Variants in ZNF248 observed in about 807,000 individuals in gnomAD.
ZNF248 encodes the protein KRAB protein domain.
In ZNF248, 20 loss-of-function variants were observed where a neutral mutation model predicts 44.3. The ratio of observed to expected loss-of-function variants is 0.45; its 90% CI spans 0.32 to 0.66. The LOEUF is 0.66. Ranked by LOEUF, ZNF248 falls within the 30% of genes least tolerant of loss-of-function variation. The pLI, the probability that ZNF248 is intolerant of heterozygous loss-of-function variation, is 0.04. For synonymous variants in ZNF248, 224 were observed against 229.0 expected (o/e 0.98, Z 0.20); for missense variants, 654 against 677.0 (o/e 0.97, Z 0.38).
chr10:37,831,996 T>G lies in ZNF248; in HGVS notation c.1359A>C (p.Glu453Asp). Residue 453 changes from glutamate to aspartate, a missense_variant, in exon 6 of 6, where the codon GAA becomes GAC. Coordinates refer to ENST00000395867, the MANE Select transcript of ZNF248 (RefSeq NM_021045.3). ...TCTCCCCTGTGTGTGTTCTCTGATG[T>G]TCAGTGAGGTTTGACTTCACACAGA... ...KTFCVKSNLT[E>D]HQRTHTGEKP... 1.2e-6 allele frequency: 2 copies of G among 1,614,116 alleles called. No individual in the cohort carries two copies. Among genetic ancestry groups the G allele is most frequent in the African/African-American group, 2.7e-5 (2 of 75,060 alleles).
chr10:37,791,126 C>T (rs1044658201), intron 6 of ZNF248, among the ~76,000 whole-genome samples: 2 of 132,662 alleles, frequency 1.5e-5, no homozygotes, highest in African/African-American at 5.8e-5. Context: ...CGATCTGAAC[C>T]TGCTTCCCGG....
chr10:37,788,868 TAGAA>T (rs1236955394), intron 6 of ZNF248, among the ~76,000 whole-genome samples: 2 of 149,514 alleles, frequency 1.3e-5, no homozygotes, highest in African/African-American at 4.9e-5. Context: ...TATGAATGTC[TAGAA>T]AGACTTTTTT....
the ZNF248 span, among the ~76,000 whole-genome samples, chr10:37,765,746 G>C: frequency 6.6e-6 from 1 of 152,052 alleles, no homozygotes; most frequent in Non-Finnish European, 1.5e-5. Flanking sequence ...ACTAGGGAGT[G>C]CCAGACAGTG....
At chr10:37,765,109 C>G in the ZNF248 span, among the ~76,000 whole-genome samples, 255 of 151,982 alleles carry the variant, frequency 1.7e-3, 1 homozygote, top group Middle Eastern at 3.4e-3. Flanking sequence ...TACAGGCCAC[C>G]ATGCCCAGCT....
rs150334661 is a variant in ZNF248 at position 37,787,693 on chromosome 10, A to C, written c.331-11118T>G. Reference sequence around the variant, plus strand: ...AGACCTTTACCTCACACAATATATGAAAATTAAAGCAGAATGAATCAAAGA... The same window carrying C: ...AGACCTTTACCTCACACAATATATGCAAATTAAAGCAGAATGAATCAAAGA... On this transcript the variant is annotated intron_variant, in intron 6 of 6. Transcript: ENST00000615949. 4.1e-3 allele frequency among the ~76,000 whole-genome samples: 626 copies of C among 152,308 alleles called. 7 individuals carry two copies. The South Asian group carries it at 0.044, about 11-fold the overall frequency.
intron 6 of ZNF248, among the ~76,000 whole-genome samples, chr10:37,783,178 A>T (rs2047509721): frequency 6.6e-6 from 1 of 152,162 alleles, no homozygotes; most frequent in Non-Finnish European, 1.5e-5. Context: ...TTCCAAACAT[A>T]TCTAGTCAAA....
chr10:37,777,069 G>A (rs963663821), intron 6 of ZNF248, among the ~76,000 whole-genome samples: 3 of 152,084 alleles, frequency 2.0e-5, no homozygotes, highest in Non-Finnish European at 2.9e-5. Context: ...CACTCCGCAT[G>A]GCACATATTA....
chr10:37,809,148 G>A (rs1403358765), intron 6 of ZNF248, among the ~76,000 whole-genome samples: 1 of 152,026 alleles, frequency 6.6e-6, no homozygotes, highest in African/African-American at 2.4e-5. Context: ...TGTCAATTTT[G>A]TTGTTGATCT....
chr10:37,850,073 A>T (rs1034209903), intron 3 of ZNF248, among the ~76,000 whole-genome samples: 1 of 149,280 alleles, frequency 6.7e-6, no homozygotes, highest in Non-Finnish European at 1.5e-5. Flanking sequence ...ACTCTGTCTT[A>T]AAAAAAAAAT....
At position 37,831,434 on chromosome 10, in the gene ZNF248, G is replaced by C. The variant is rs1424810676; in HGVS notation, c.*181C>G. ...ATAAATATTTTCACCATATTACTTA[G>C]ATGAATAGAATTCCCCTCAGTACAA... On this transcript the variant is annotated 3_prime_UTR_variant, in exon 6 of 6. Transcript: ENST00000395867. The C allele has an allele frequency of 1.3e-6, 2 of 1,485,406 alleles. No homozygotes were observed. The highest frequency in any genetic ancestry group is 1.8e-6 in the Non-Finnish European group (2 of 1,119,080). The allele number at this position is 1,485,406 out of a possible 1,614,324, so 92.0% of individuals were successfully genotyped here. A position where few individuals can be genotyped will look rare whatever the true frequency, so the allele number is the denominator to read the frequency against.
chr10:37,820,035 T>C (rs1301834668), intron 6 of ZNF248: 2 of 806,244 alleles, frequency 2.5e-6, no homozygotes, highest in East Asian at 4.9e-5. Context: ...ATGAGGACTT[T>C]CTTGCTCATT....
At chr10:37,759,439 A>T in the ZNF248 span, among the ~76,000 whole-genome samples, 1 of 152,166 alleles carries the variant, frequency 6.6e-6, no homozygotes, top group African/African-American at 2.4e-5. Context: ...CTGCTTATGA[A>T]ACCCCTTAAT....
chr10:37,762,445 C>A, the ZNF248 span, among the ~76,000 whole-genome samples: 1 of 152,108 alleles, frequency 6.6e-6, no homozygotes, highest in Non-Finnish European at 1.5e-5. Context: ...GATTTGAGCC[C>A]AGGAAGTCTA....
chr10:37,832,031 C>T lies in ZNF248; in HGVS notation c.1324G>A (p.Gly442Arg), dbSNP rs1346503675. 8.7e-6 allele frequency: 14 copies of T among 1,613,922 alleles called. No individual in the cohort carries two copies. Among genetic ancestry groups the T allele is most frequent in the Non-Finnish European group, 1.2e-5 (14 of 1,179,944 alleles). Residue 442 changes from glycine (G) to arginine (R), a missense_variant, in exon 6 of 6, where the codon GGA becomes AGA. By Grantham distance (125) the Gly-to-Arg change is moderately radical. Coordinates refer to ENST00000395867, the MANE Select transcript of ZNF248 (RefSeq NM_021045.3). The stretch of plus-strand genomic sequence containing the variant: ...TTTGACTTCACACAGAATGTTTTTC[C>T]ACATTGCTTACATTCATAGGGTTTT... ...GEKPYECKQC[G>R]KTFCVKSNLT... is the part of the protein sequence containing the mutation.
chr10:37,815,654 T>G (rs867707308), intron 6 of ZNF248, among the ~76,000 whole-genome samples: 9 of 152,192 alleles, frequency 5.9e-5, no homozygotes, highest in African/African-American at 2.2e-4. Context: ...CTTTTTTGCT[T>G]TCAATTAGTC....
At chr10:37,847,540 G>A (rs1274139855) in intron 3 of ZNF248, among the ~76,000 whole-genome samples, 2 of 152,162 alleles carry the variant, frequency 1.3e-5, no homozygotes, top group Non-Finnish European at 2.9e-5. Context: ...GTGTTATAAT[G>A]TGGGTAACTT....
intron 6 of ZNF248, among the ~76,000 whole-genome samples, chr10:37,793,691 G>A (rs1017145137): frequency 1.3e-5 from 2 of 152,078 alleles, no homozygotes; most frequent in Non-Finnish European, 2.9e-5. Flanking sequence ...TGCAACATAT[G>A]CATATAGATC....
At chr10:37,820,176 C>G in intron 6 of ZNF248, 2 of 1,213,598 alleles carry the variant, frequency 1.6e-6, no homozygotes, top group Non-Finnish European at 2.4e-6. Context: ...AGAATTCTTA[C>G]TGTTTTCTAG....
intron 3 of ZNF248, among the ~76,000 whole-genome samples, chr10:37,843,967 A>C (rs1347116094): frequency 6.6e-6 from 1 of 152,184 alleles, no homozygotes; most frequent in Non-Finnish European, 1.5e-5. Context: ...GGAGTCCCAG[A>C]AGGAAAAAAG....
Sources: allele counts gnomAD v4.1 joint callset (sites outside exome capture counted in the v4.1 genomes callset), GRCh38; gene constraint gnomAD v4.1.1; transcripts MANE v1.5; gene names NCBI Gene and HGNC (gene_info 2026-07-23, HGNC 2026-07-21).